UNC13C: variants seen among roughly 807,000 people sequenced by gnomAD.
UNC13C encodes unc-13 homolog C.
In UNC13C, 174 loss-of-function variants were observed where a neutral mutation model predicts 245.4. The observed-to-expected ratio is 0.71, with a 90% CI of 0.63 to 0.80. UNC13C has a LOEUF of 0.80. Among genes scored for constraint, UNC13C ranks in the 30% least tolerant of loss-of-function variants. The probability of loss-of-function intolerance (pLI) is 0.00; values close to 1 mark genes in which losing one functional copy is unlikely to be tolerated. For synonymous variants in UNC13C, 992 were observed against 895.1 expected, an observed-to-expected ratio of 1.11 and a Z score of -1.93; for missense variants, 2,829 against 2,602.9, an observed-to-expected ratio of 1.09 and a Z score of -1.89.
At chr15:54,570,403 C>A (rs1475816805) in intron 30 of UNC13C, among the ~76,000 whole-genome samples, 1 of 152,146 alleles carries the variant, frequency 6.6e-6, no homozygotes, top group Non-Finnish European at 1.5e-5. Context: ...TTCTCCACTA[C>A]TACCCACTTT....
intron 2 of UNC13C, among the ~76,000 whole-genome samples, chr15:54,064,797 C>T (rs1187168947): frequency 2.0e-5 from 3 of 152,138 alleles, no homozygotes; most frequent in African/African-American, 7.2e-5. Context: ...CCATCACTTT[C>T]CATGTACTTC....
At chr15:54,237,721 A>C (rs749969990) in intron 7 of UNC13C, 31 bp downstream of exon 7, 11 of 1,461,730 alleles carry the variant, frequency 7.5e-6, no homozygotes, top group Non-Finnish European at 9.5e-6. Flanking sequence ...ATAATATCTA[A>C]CTAGATATTG....
chr15:54,147,085 C>T (rs1309616166), intron 4 of UNC13C, among the ~76,000 whole-genome samples: 2 of 152,124 alleles, frequency 1.3e-5, no homozygotes, highest in African/African-American at 4.8e-5. Context: ...GTGAATGCTG[C>T]ACCCGGTGAA....
At chr15:54,490,700 C>A (rs772903592) in intron 19 of UNC13C, among the ~76,000 whole-genome samples, 7 of 151,252 alleles carry the variant, frequency 4.6e-5, no homozygotes, top group Non-Finnish European at 1.0e-4. Flanking sequence ...TCAACATTCA[C>A]CCAGACTTAC....
chr15:54,346,512 C>T (rs1295837475), intron 17 of UNC13C, among the ~76,000 whole-genome samples: 1 of 152,198 alleles, frequency 6.6e-6, no homozygotes, highest in Non-Finnish European at 1.5e-5. Flanking sequence ...CACTATTAGA[C>T]ACAGTACAGT....
At chr15:54,225,026 TC>T (rs1180672053) in intron 4 of UNC13C, among the ~76,000 whole-genome samples, 3 of 133,730 alleles carry the variant, frequency 2.2e-5, no homozygotes, top group South Asian at 2.4e-4. Context: ...ACTTGTGTCT[TC>T]TTTTTTTTTT....
intron 2 of UNC13C, among the ~76,000 whole-genome samples, chr15:54,040,870 C>T (rs967659950): frequency 2.0e-5 from 3 of 152,208 alleles, no homozygotes; most frequent in Non-Finnish European, 4.4e-5. Context: ...TACCTCCTCC[C>T]AGTCTTTACT....
chr15:54,222,339 G>A (rs892069688), intron 4 of UNC13C, among the ~76,000 whole-genome samples: 1 of 151,898 alleles, frequency 6.6e-6, no homozygotes, highest in African/African-American at 2.4e-5. Flanking sequence ...CAGTAAGTGA[G>A]CGTATGCAGT....
At position 54,352,035 on chromosome 15, in the gene UNC13C, T is replaced by C. The variant is rs551619184; in HGVS notation, c.4713+13546T>C. On this transcript the variant is annotated intron_variant, in intron 17 of 32. Transcript: ENST00000260323. The stretch of plus-strand genomic sequence containing the variant: ...ATTAAAAGAGAGAAATATACAGAGA[T>C]AGAATTAAAGTTAAAATATCATTTA... Among the ~76,000 whole-genome samples the C allele has an allele frequency of 1.3e-4, 19 of 151,882 alleles. No individual in the cohort carries two copies. In the East Asian group the frequency reaches 3.5e-3, roughly 28 times the overall value.
intron 4 of UNC13C, among the ~76,000 whole-genome samples, chr15:54,195,013 A>T (rs1288119308): frequency 6.6e-6 from 1 of 151,972 alleles, no homozygotes; most frequent in Non-Finnish European, 1.5e-5. Flanking sequence ...CTGGCATTCC[A>T]CGAATAGAAT....
chr15:53,891,570 T>C, the UNC13C span, among the ~76,000 whole-genome samples: 5 of 152,206 alleles, frequency 3.3e-5, no homozygotes, highest in Non-Finnish European at 5.9e-5. Flanking sequence ...ATATTTAAGA[T>C]AGTTAGCTCT....
chr15:54,377,313 T>C (rs940359103), intron 17 of UNC13C, among the ~76,000 whole-genome samples: 1 of 152,190 alleles, frequency 6.6e-6, no homozygotes, highest in African/African-American at 2.4e-5. Flanking sequence ...AAGTCACCCA[T>C]GTTCAAGGGG....
intron 16 of UNC13C, among the ~76,000 whole-genome samples, chr15:54,336,778 T>A (rs568777211): frequency 6.6e-6 from 1 of 152,282 alleles, no homozygotes. Flanking sequence ...AAAATTAAAT[T>A]GACCATATAT....
At chr15:53,902,844 T>G in the UNC13C span, among the ~76,000 whole-genome samples, 8 of 152,068 alleles carry the variant, frequency 5.3e-5, no homozygotes, top group African/African-American at 1.7e-4. Context: ...TGAAATTAAT[T>G]TTGCAATAAT....
chr15:54,252,268 A>C (rs2036170960), intron 8 of UNC13C, among the ~76,000 whole-genome samples: 1 of 152,208 alleles, frequency 6.6e-6, no homozygotes, highest in Non-Finnish European at 1.5e-5. Flanking sequence ...GAAAGGACAG[A>C]TGCTACCCAT....
chr15:53,997,517 C>A (rs1894690302), intron 1 of UNC13C, among the ~76,000 whole-genome samples: 1 of 152,130 alleles, frequency 6.6e-6, no homozygotes, highest in Admixed American at 6.5e-5. Flanking sequence ...GTTATACTCA[C>A]AGCATTACAA....
At chr15:53,874,858 G>A in the UNC13C span, among the ~76,000 whole-genome samples, 2 of 152,176 alleles carry the variant, frequency 1.3e-5, no homozygotes, top group Non-Finnish European at 2.9e-5. Context: ...CACTTTGGGA[G>A]GCCAAGGCGG....
intron 19 of UNC13C, among the ~76,000 whole-genome samples, chr15:54,483,612 C>T (rs1378206781): frequency 6.6e-6 from 1 of 152,198 alleles, no homozygotes; most frequent in Admixed American, 6.5e-5. Flanking sequence ...TCACCTGCCT[C>T]AGCCTCCCAA....
chr15:54,028,530 A>C (rs1896214667), intron 2 of UNC13C, among the ~76,000 whole-genome samples: 1 of 152,152 alleles, frequency 6.6e-6, no homozygotes, highest in African/African-American at 2.4e-5. Flanking sequence ...CATAGCGCTG[A>C]AAATTGCTGT....
Sources: gnomAD v4.1 joint callset for allele counts (sites outside exome capture counted in the v4.1 genomes callset) on GRCh38, gnomAD v4.1.1 for gene constraint, MANE v1.5 for transcripts, NCBI Gene and HGNC (gene_info 2026-07-23, HGNC 2026-07-21) for gene names.